Variants in PDE8B observed in about 807,000 individuals in gnomAD.
PDE8B encodes the protein high affinity cAMP-specific and IBMX-insensitive 3',5'-cyclic phosphodiesterase 8B.
In PDE8B, 26 loss-of-function variants were observed where a neutral mutation model predicts 101.3. The observed-to-expected ratio is 0.26, with a 90% CI of 0.19 to 0.36. PDE8B has a LOEUF of 0.36. Among genes scored for constraint, PDE8B ranks in the 10% least tolerant of loss-of-function variants. The probability of loss-of-function intolerance (pLI) is 1.00; values close to 1 mark genes in which losing one functional copy is unlikely to be tolerated. For synonymous variants in PDE8B, 424 were observed against 429.3 expected, an observed-to-expected ratio of 0.99 and a Z score of 0.15; for missense variants, 810 against 1,163.1, an observed-to-expected ratio of 0.70 and a Z score of 4.42.
At chr5:77,309,562 A>G (rs554656936) in intron 1 of PDE8B, among the ~76,000 whole-genome samples, 1 of 151,996 alleles carries the variant, frequency 6.6e-6, no homozygotes, top group African/African-American at 2.4e-5. Flanking sequence ...CTCAAGAGAG[A>G]TCACAGGGCA....
At chr5:77,162,396 T>C in the PDE8B span, among the ~76,000 whole-genome samples, 1 of 152,164 alleles carries the variant, frequency 6.6e-6, no homozygotes, top group Non-Finnish European at 1.5e-5. Context: ...CTCTACAGGC[T>C]GTTTTGTAGA....
chr5:77,355,383 C>T (rs1349168051), intron 10 of PDE8B, among the ~76,000 whole-genome samples: 3 of 152,188 alleles, frequency 2.0e-5, no homozygotes, highest in Admixed American at 6.5e-5. Flanking sequence ...TGTTTTTCCT[C>T]TTCATCGAAG....
intron 1 of PDE8B, among the ~76,000 whole-genome samples, chr5:77,216,584 G>A (rs1267128729): frequency 1.3e-5 from 2 of 152,192 alleles, no homozygotes; most frequent in East Asian, 3.8e-4. Context: ...TTCAAGATGA[G>A]ATTTGGGTAG....
the PDE8B span, among the ~76,000 whole-genome samples, chr5:77,177,451 G>C: frequency 9.8e-5 from 11 of 111,952 alleles, no homozygotes; most frequent in Admixed American, 3.3e-4. Context: ...CATAACAATA[G>C]ACTGTAATAA....
At chr5:77,154,416 A>G in the PDE8B span, among the ~76,000 whole-genome samples, 15 of 152,230 alleles carry the variant, frequency 9.9e-5, no homozygotes, top group African/African-American at 3.6e-4. Context: ...CATTTAATAA[A>G]TATTTGTTGC....
At chr5:77,245,050 A>G (rs1329211035) in intron 1 of PDE8B, among the ~76,000 whole-genome samples, 5 of 152,220 alleles carry the variant, frequency 3.3e-5, no homozygotes, top group African/African-American at 1.2e-4. Context: ...ATCTTAAGGG[A>G]AACCTTAAGT....
chr5:77,249,761 G>A (rs1026943427), intron 1 of PDE8B, among the ~76,000 whole-genome samples: 2 of 152,206 alleles, frequency 1.3e-5, no homozygotes, highest in South Asian at 2.1e-4. Flanking sequence ...CCTGAAGCAT[G>A]CCACTTAAGA....
At chr5:77,129,687 C>A in the PDE8B span, among the ~76,000 whole-genome samples, 1 of 152,156 alleles carries the variant, frequency 6.6e-6, no homozygotes, top group African/African-American at 2.4e-5. Flanking sequence ...TAGCTCTGTT[C>A]TTCTCTTTCT....
At chr5:77,254,733 T>C (rs1758759531) in intron 1 of PDE8B, among the ~76,000 whole-genome samples, 1 of 152,234 alleles carries the variant, frequency 6.6e-6, no homozygotes, top group African/African-American at 2.4e-5. Flanking sequence ...CAACAATAAC[T>C]GATTTCTTTT....
intron 6 of PDE8B, among the ~76,000 whole-genome samples, chr5:77,340,245 A>G (rs1778959203): frequency 1.3e-5 from 2 of 152,170 alleles, no homozygotes; most frequent in African/African-American, 2.4e-5. Flanking sequence ...GCAATCCTCA[A>G]TTTTAGAAAG....
At chr5:77,233,815 T>C (rs1281951638) in intron 1 of PDE8B, among the ~76,000 whole-genome samples, 1 of 151,722 alleles carries the variant, frequency 6.6e-6, no homozygotes, top group African/African-American at 2.4e-5. Context: ...TTTTTTTTAA[T>C]TTAAGGGGAA....
rs1784832401 is a variant in PDE8B at position 77,370,125 on chromosome 5, ATATCAT to A, written c.1167+16722_1167+16727del. ...TTTCCTCCTAAAGCCTTTAGCGTGCATATCATTAGCAACAGTTCTATATCTGCTTAC... is the reference window on the plus strand; with the variant it reads ...TTTCCTCCTAAAGCCTTTAGCGTGCATAGCAACAGTTCTATATCTGCTTAC... On this transcript the variant is annotated intron_variant, in intron 10 of 21. Transcript: ENST00000264917. Among the ~76,000 whole-genome samples the A allele has an allele frequency of 2.6e-5, 4 of 152,208 alleles. No individual in the cohort carries two copies. The South Asian group carries it at 8.3e-4, about 32-fold the overall frequency.
chr5:77,241,739 A>G (rs1755804895), intron 1 of PDE8B, among the ~76,000 whole-genome samples: 1 of 152,254 alleles, frequency 6.6e-6, no homozygotes. Flanking sequence ...GTTGGCCATC[A>G]GATTATTTCT....
chr5:77,338,119 A>T (rs1253031888), intron 6 of PDE8B, among the ~76,000 whole-genome samples: 1 of 152,228 alleles, frequency 6.6e-6, no homozygotes, highest in Admixed American at 6.5e-5. Context: ...ATGCCAGAAA[A>T]TTCTGTAGCA....
chr5:77,237,958 A>G (rs532103436), intron 1 of PDE8B, among the ~76,000 whole-genome samples: 12 of 152,240 alleles, frequency 7.9e-5, no homozygotes, highest in Non-Finnish European at 1.5e-4. Context: ...AGAAACCTTT[A>G]GTCATTTGAA....
chr5:77,387,724 G>A (rs893234453), intron 10 of PDE8B, among the ~76,000 whole-genome samples: 2 of 152,272 alleles, frequency 1.3e-5, no homozygotes, highest in East Asian at 3.9e-4. Flanking sequence ...GTCAAATGTA[G>A]GTTTGGTCTT....
chr5:77,089,891 A>G, the PDE8B span, among the ~76,000 whole-genome samples: 1 of 152,258 alleles, frequency 6.6e-6, no homozygotes, highest in Non-Finnish European at 1.5e-5. Flanking sequence ...TACAAAATCA[A>G]CCAAAGTCTA....
chr5:77,159,955 A>C, the PDE8B span, among the ~76,000 whole-genome samples: 1 of 152,146 alleles, frequency 6.6e-6, no homozygotes, highest in Non-Finnish European at 1.5e-5. Context: ...AGAAGCACAT[A>C]ATGGTTACAT....
At chr5:77,199,831 T>C in the PDE8B span, among the ~76,000 whole-genome samples, 1 of 152,170 alleles carries the variant, frequency 6.6e-6, no homozygotes, top group Non-Finnish European at 1.5e-5. Flanking sequence ...GTAAGCTACC[T>C]CCGAAGTGGC....
Sources: allele counts gnomAD v4.1 joint callset (sites outside exome capture counted in the v4.1 genomes callset), GRCh38; gene constraint gnomAD v4.1.1; transcripts MANE v1.5; gene names NCBI Gene and HGNC (gene_info 2026-07-23, HGNC 2026-07-21).